The following SORCS1 variants were observed in gnomAD, a reference collection of about 807,000 sequenced individuals.
SORCS1 encodes VPS10 domain-containing receptor SorCS1.
SORCS1 carries 60 observed loss-of-function variants against 146.1 expected under a neutral mutation model. The ratio of observed to expected loss-of-function variants is 0.41; its 90% CI spans 0.33 to 0.51. The LOEUF is 0.51. SORCS1 is among the 20% of genes least tolerant of loss of function. SORCS1 has a pLI of 0.21. For missense variants in SORCS1, 1,352 were observed against 1,487.6 expected (o/e 0.91, Z 1.50); for synonymous variants, 637 against 584.0 (o/e 1.09, Z -1.31).
chr10:106,727,349 T>C (rs977997194), intron 6 of SORCS1, among the ~76,000 whole-genome samples: 1 of 152,202 alleles, frequency 6.6e-6, no homozygotes, highest in East Asian at 1.9e-4. Context: ...GGAGACATAA[T>C]GTTTTTGTTT....
chr10:106,916,641 A>C (rs903428713), intron 2 of SORCS1, among the ~76,000 whole-genome samples: 4 of 149,494 alleles, frequency 2.7e-5, no homozygotes, highest in African/African-American at 9.8e-5. Flanking sequence ...CCTGGAAAAA[A>C]AATTTATAAA....
chr10:106,789,574 A>G (rs992851289), intron 3 of SORCS1, among the ~76,000 whole-genome samples: 2 of 152,212 alleles, frequency 1.3e-5, no homozygotes, highest in Non-Finnish European at 2.9e-5. Flanking sequence ...CTGGTTCCCA[A>G]CAAATTCCTC....
intron 1 of SORCS1, among the ~76,000 whole-genome samples, chr10:107,041,508 G>C (rs1420300368): frequency 6.6e-6 from 1 of 152,028 alleles, no homozygotes; most frequent in Non-Finnish European, 1.5e-5. Flanking sequence ...TGACATTTTA[G>C]TTACAGGAGC....
intron 8 of SORCS1, among the ~76,000 whole-genome samples, chr10:106,704,946 TTTA>T (rs1387760671): frequency 6.6e-6 from 1 of 152,200 alleles, no homozygotes; most frequent in Non-Finnish European, 1.5e-5. Context: ...CTCTGTTGTA[TTTA>T]TTGAGTTAAC....
At chr10:106,946,208 C>T (rs7094104) in intron 2 of SORCS1, among the ~76,000 whole-genome samples, 7,741 of 114,144 alleles carry the variant, frequency 0.068, 566 homozygotes, top group African/African-American at 0.17. Flanking sequence ...TCATAACATA[C>T]TCTTCAAAGC....
At chr10:106,625,002 G>T (rs966940112) in intron 19 of SORCS1, among the ~76,000 whole-genome samples, 4 of 152,192 alleles carry the variant, frequency 2.6e-5, no homozygotes, top group Non-Finnish European at 4.4e-5. Flanking sequence ...TGGCAGATGC[G>T]GCTCCATCAG....
intron 18 of SORCS1, among the ~76,000 whole-genome samples, chr10:106,636,521 C>T (rs1170977138): frequency 6.6e-6 from 1 of 151,966 alleles, no homozygotes; most frequent in Non-Finnish European, 1.5e-5. Context: ...CCTCAGGAAA[C>T]TTACAATCAT....
intron 4 of SORCS1, among the ~76,000 whole-genome samples, chr10:106,765,186 A>G (rs1859470337): frequency 6.6e-6 from 1 of 152,204 alleles, no homozygotes; most frequent in Non-Finnish European, 1.5e-5. Context: ...CTTTCTGTGT[A>G]AAATCATTCT....
At chr10:106,784,503 G>A (rs1266846665) in intron 3 of SORCS1, among the ~76,000 whole-genome samples, 2 of 151,836 alleles carry the variant, frequency 1.3e-5, no homozygotes, top group Non-Finnish European at 2.9e-5. Context: ...TAAATACCTT[G>A]AGAATATTTG....
rs74345066 is a variant in SORCS1, at chr10:106,736,352, G to A, written c.960-6238C>T. Among the ~76,000 whole-genome samples, 928 of 152,260 alleles carry A rather than the reference G, an allele frequency of 6.1e-3. 9 individuals are homozygous for A. Among genetic ancestry groups the A allele is most frequent in the African/African-American group, 0.021 (889 of 41,550 alleles). On this transcript the variant is annotated intron_variant, in intron 5 of 25. Coordinates refer to ENST00000263054, the MANE Select transcript of SORCS1 (RefSeq NM_052918.5). ...CAGAATTGCAGTTAATGGCATATGG[G>A]AAGAAACGAGGAGGGACCTGCAGAG...
intron 10 of SORCS1, among the ~76,000 whole-genome samples, chr10:106,683,505 T>C (rs1387450580): frequency 6.6e-6 from 1 of 152,224 alleles, no homozygotes; most frequent in African/African-American, 2.4e-5. Context: ...ATCTACTGTG[T>C]TTCTAGCATT....
Position 106,679,734 on chromosome 10 carries a change from G to C in SORCS1, c.1561C>G (p.Pro521Ala). The change falls in exon 11 of 26, where the codon CCC becomes GCC. Residue 521 changes from proline (P) to alanine (A), a missense_variant and splice_region_variant. By Grantham distance (27) the Pro-to-Ala change is conservative. This residue lies in a region of SORCS1 where 648 missense variants were observed against 793.8 expected (regional missense o/e 0.82). Coordinates refer to ENST00000263054, the MANE Select transcript of SORCS1 (RefSeq NM_052918.5). The stretch of plus-strand genomic sequence containing the variant: ...AGGTGAAGGTGTAGTGAGCAATAGG[G>C]CTGAAAAGAGAAATAATAAGTGCCA... ...LRGDPVHCLL[P>A]YCSLHLHLKV... The C allele has an allele frequency of 1.2e-6, 2 of 1,604,112 alleles. No homozygotes were observed. The highest frequency in any genetic ancestry group is 1.7e-6 in the Non-Finnish European group (2 of 1,173,528).
At chr10:107,071,005 T>C (rs1962371251) in intron 1 of SORCS1, among the ~76,000 whole-genome samples, 1 of 152,188 alleles carries the variant, frequency 6.6e-6, no homozygotes, top group Non-Finnish European at 1.5e-5. Context: ...TACTAGGTGC[T>C]TGACACTAAA....
chr10:106,668,827 G>C (rs549839451), intron 16 of SORCS1, among the ~76,000 whole-genome samples: 39 of 152,264 alleles, frequency 2.6e-4, no homozygotes, highest in African/African-American at 9.4e-4. Context: ...TACGAATGCT[G>C]GAGAGGGACA....
At chr10:106,597,025 T>C (rs903744503) in intron 24 of SORCS1, among the ~76,000 whole-genome samples, 4 of 152,090 alleles carry the variant, frequency 2.6e-5, no homozygotes, top group African/African-American at 9.7e-5. Flanking sequence ...CTGATTTTTG[T>C]ATGTTTAGTA....
At chr10:106,649,953 T>C (rs1196523090) in intron 18 of SORCS1, among the ~76,000 whole-genome samples, 1 of 152,200 alleles carries the variant, frequency 6.6e-6, no homozygotes, top group East Asian at 1.9e-4. Flanking sequence ...GTATTTCTTA[T>C]TGATTACCAC....
chr10:106,772,313 T>G (rs1229257535), intron 4 of SORCS1, among the ~76,000 whole-genome samples: 3 of 152,256 alleles, frequency 2.0e-5, no homozygotes, highest in South Asian at 2.1e-4. Flanking sequence ...ACACCATTGG[T>G]TCCACCCCCA....
At chr10:106,813,527 G>T (rs1454864806) in intron 3 of SORCS1, among the ~76,000 whole-genome samples, 1 of 152,160 alleles carries the variant, frequency 6.6e-6, no homozygotes, top group African/African-American at 2.4e-5. Flanking sequence ...GCAGCTGTAG[G>T]CCACCAGGAA....
chr10:106,656,852 T>C (rs941949182), intron 17 of SORCS1, among the ~76,000 whole-genome samples: 2 of 152,130 alleles, frequency 1.3e-5, no homozygotes, highest in Non-Finnish European at 2.9e-5. Context: ...TAATTGAGAA[T>C]TATGGGGATC....
Sources: allele counts gnomAD v4.1 joint callset (sites outside exome capture counted in the v4.1 genomes callset), GRCh38; gene constraint gnomAD v4.1.1; regional missense constraint gnomAD v4.1.1; transcripts MANE v1.5; gene names NCBI Gene and HGNC (gene_info 2026-07-23, HGNC 2026-07-21).